Variants in DCLK1 observed in about 807,000 individuals in gnomAD.
The protein encoded by DCLK1 is serine/threonine-protein kinase DCLK1.
A neutral mutation model predicts 86.2 loss-of-function variants in DCLK1; 16 were observed. That is an observed-to-expected ratio of 0.19 (90% CI 0.13 to 0.28). The LOEUF (loss-of-function observed/expected upper bound fraction) is 0.28, where lower values mean the gene tolerates loss of function less well. Among genes scored for constraint, DCLK1 ranks in the 10% least tolerant of loss-of-function variants. The probability of loss-of-function intolerance (pLI) is 1.00; values close to 1 mark genes in which losing one functional copy is unlikely to be tolerated. For missense variants in DCLK1, 590 were observed against 940.2 expected, an observed-to-expected ratio of 0.63 and a Z score of 4.87; for synonymous variants, 369 against 370.5, an observed-to-expected ratio of 1.00 and a Z score of 0.05.
intron 12 of DCLK1, 80 bp downstream of exon 12, chr13:35,810,755 C>G: frequency 6.5e-7 from 1 of 1,541,136 alleles, no homozygotes; most frequent in Non-Finnish European, 8.9e-7. Context: ...GGATAGGGCA[C>G]AGCAGTACTA....
chr13:35,991,361 C>T lies in DCLK1; in HGVS notation c.724-43904G>A, dbSNP rs538880663. Among the ~76,000 whole-genome samples, 32 of 152,166 alleles carry T rather than the reference C, an allele frequency of 2.1e-4. No homozygotes were observed. In the South Asian group the frequency reaches 6.2e-3, roughly 30 times the overall value. On this transcript the variant is annotated intron_variant, in intron 3 of 16. Coordinates refer to ENST00000360631, the MANE Select transcript of DCLK1 (RefSeq NM_001330071.2). ...GGTCTTCATTTCCTTATGAAGACTC[C>T]TGTGTCATTTAGATTAAAGGCCAGA...
At chr13:35,941,791 T>G (rs1877098509) in intron 4 of DCLK1, among the ~76,000 whole-genome samples, 2 of 152,198 alleles carry the variant, frequency 1.3e-5, no homozygotes, top group Admixed American at 1.3e-4. Flanking sequence ...TTTGTTTCAG[T>G]TCATATTTAC....
intron 3 of DCLK1, among the ~76,000 whole-genome samples, chr13:36,083,050 C>A (rs1164430743): frequency 6.8e-6 from 1 of 146,692 alleles, no homozygotes; most frequent in Non-Finnish European, 1.6e-5. Context: ...ATTTGCCAAA[C>A]ACCTGTTCAG....
intron 6 of DCLK1, chr13:35,847,618 C>CAAA: frequency 6.2e-6 from 4 of 649,104 alleles, no homozygotes; most frequent in Non-Finnish European, 7.0e-6. Flanking sequence ...TGTTTTTAAG[C>CAAA]AAAAAAAAGA....
At chr13:35,783,852 T>C (rs2086573294) in intron 16 of DCLK1, among the ~76,000 whole-genome samples, 1 of 152,108 alleles carries the variant, frequency 6.6e-6, no homozygotes, top group Non-Finnish European at 1.5e-5. Flanking sequence ...TCCCAAAGTG[T>C]TGGGATTACA....
intron 3 of DCLK1, among the ~76,000 whole-genome samples, chr13:36,046,732 G>A (rs921842358): frequency 6.6e-6 from 1 of 152,160 alleles, no homozygotes; most frequent in African/African-American, 2.4e-5. Flanking sequence ...TAAAATATAT[G>A]AAATAACTAA....
chr13:36,059,447 C>T (rs760888811), intron 3 of DCLK1, among the ~76,000 whole-genome samples: 1 of 150,540 alleles, frequency 6.6e-6, no homozygotes, highest in Non-Finnish European at 1.5e-5. Context: ...TCTATGAAAT[C>T]ATCACAGTGG....
At chr13:35,777,600 TTC>T (rs2086445569) in intron 16 of DCLK1, among the ~76,000 whole-genome samples, 2 of 152,276 alleles carry the variant, frequency 1.3e-5, no homozygotes, top group South Asian at 4.2e-4. Flanking sequence ...TCAGAGAAAC[TTC>T]TCTTTGTAGA....
chr13:36,112,001 T>C lies in DCLK1; in HGVS notation c.591A>G (p.Pro197=), dbSNP rs3748308. 389,998 of 1,614,074 alleles carry C rather than the reference T, an allele frequency of 0.24. 48,060 individuals are homozygous for C. The highest frequency in any genetic ancestry group is 0.28 in the Middle Eastern group (1,706 of 6,062). Residue 197 remains proline (P), a synonymous_variant, in exon 3 of 17, where the codon CCA becomes CCG. Coordinates refer to ENST00000360631, the MANE Select transcript of DCLK1 (RefSeq NM_001330071.2). The stretch of plus-strand genomic sequence containing the variant: ...TCAGCAGAATCCTGACAGCTTTCCG[T>C]GGCTTCACGCCACTTCTGATGATGG... ...LVTIIRSGVK[P]RKAVRILLNK...
chr13:35,969,886 T>A (rs1017948341), intron 3 of DCLK1, among the ~76,000 whole-genome samples: 2 of 152,132 alleles, frequency 1.3e-5, no homozygotes, highest in African/African-American at 4.8e-5. Flanking sequence ...AGTGACCTTA[T>A]AAAAGAGGCC....
intron 6 of DCLK1, chr13:35,847,736 T>C (rs1870314672): frequency 1.7e-5 from 17 of 985,094 alleles, no homozygotes; most frequent in Non-Finnish European, 1.9e-5. Flanking sequence ...TATATATATA[T>C]AGTACATCAG....
chr13:35,912,613 C>T (rs890007903), intron 4 of DCLK1, among the ~76,000 whole-genome samples: 1 of 152,166 alleles, frequency 6.6e-6, no homozygotes, highest in African/African-American at 2.4e-5. Flanking sequence ...CAGCTCCCCT[C>T]TCTGCTGAGA....
chr13:35,964,388 A>G (rs1020476608), intron 3 of DCLK1, among the ~76,000 whole-genome samples: 19 of 152,380 alleles, frequency 1.2e-4, no homozygotes, highest in African/African-American at 4.6e-4. Context: ...GGAAATGAAC[A>G]TGCAAATTGC....
intron 4 of DCLK1, among the ~76,000 whole-genome samples, chr13:35,907,841 TAA>T (rs35873614): frequency 1.6e-4 from 22 of 140,708 alleles, no homozygotes; most frequent in African/African-American, 5.3e-4. Context: ...GAAAAAACTT[TAA>T]AAAAAAAAAA....
chr13:36,113,730 T>C (rs573676290), intron 2 of DCLK1, among the ~76,000 whole-genome samples: 1 of 152,254 alleles, frequency 6.6e-6, no homozygotes, highest in East Asian at 1.9e-4. Flanking sequence ...ATTAGGTTTT[T>C]CTGAAGATCA....
chr13:36,018,403 TTAA>T (rs1387451790), intron 3 of DCLK1, among the ~76,000 whole-genome samples: 1 of 152,228 alleles, frequency 6.6e-6, no homozygotes, highest in Non-Finnish European at 1.5e-5. Flanking sequence ...TAACTTGAAG[TTAA>T]TAATTATTTT....
intron 4 of DCLK1, among the ~76,000 whole-genome samples, chr13:35,917,697 G>A (rs1388997562): frequency 1.3e-5 from 2 of 152,126 alleles, no homozygotes; most frequent in African/African-American, 4.8e-5. Context: ...TCGAAACCCA[G>A]CTGCATGCCC....
intron 3 of DCLK1, among the ~76,000 whole-genome samples, chr13:36,097,180 T>C (rs761138300): frequency 7.2e-5 from 11 of 152,214 alleles, no homozygotes; most frequent in Non-Finnish European, 1.3e-4. Context: ...ATTTAAAAGC[T>C]GATGTGACTA....
chr13:35,808,991 C>T (rs200229802), intron 13 of DCLK1, 27 bp downstream of exon 13: 52 of 1,598,540 alleles, frequency 3.3e-5, no homozygotes, highest in African/African-American at 4.0e-5. Flanking sequence ...GCTTTGTCGG[C>T]GCTGAATAAA....
Sources: allele counts gnomAD v4.1 joint callset (sites outside exome capture counted in the v4.1 genomes callset), GRCh38; gene constraint gnomAD v4.1.1; transcripts MANE v1.5; gene names NCBI Gene and HGNC (gene_info 2026-07-23, HGNC 2026-07-21).